DIAPH2: variants seen among roughly 807,000 people sequenced by gnomAD.
DIAPH2 encodes the protein protein diaphanous homolog 2.
In DIAPH2, 35 loss-of-function variants were observed where a neutral mutation model predicts 92.7. The observed-to-expected ratio is 0.38, with a 90% CI of 0.29 to 0.50. The LOEUF (loss-of-function observed/expected upper bound fraction) is 0.50. Among genes scored for constraint, DIAPH2 ranks in the 20% least tolerant of loss-of-function variants. The probability of loss-of-function intolerance (pLI) is 0.94; values close to 1 mark genes in which losing one functional copy is unlikely to be tolerated. For missense variants in DIAPH2, 701 were observed against 819.5 expected (o/e 0.86, Z 1.77); for synonymous variants, 301 against 280.4 (o/e 1.07, Z -0.73).
At chrX:96,730,677 C>A (rs1010084604) in intron 1 of DIAPH2, among the ~76,000 whole-genome samples, 1 of 111,662 alleles carries the variant, frequency 9.0e-6, no homozygotes, top group African/African-American at 3.3e-5. Flanking sequence ...TGTGATTGTT[C>A]TTTCATTCTT....
intron 9 of DIAPH2, among the ~76,000 whole-genome samples, chrX:96,921,843 A>C (rs1416085262): frequency 9.0e-6 from 1 of 110,500 alleles, no homozygotes; most frequent in Admixed American, 9.7e-5. Context: ...CTACATGTAC[A>C]TGTATATACA....
chrX:97,484,890 A>AAAAAG (rs1370444459), intron 26 of DIAPH2, among the ~76,000 whole-genome samples: 2 of 112,354 alleles, frequency 1.8e-5, no homozygotes, highest in South Asian at 3.7e-4. Flanking sequence ...GCGAGAAAAA[A>AAAAAG]AAAAGAAAAG....
At position 96,828,052 on chromosome X, in the gene DIAPH2, G is replaced by A. The variant is rs541485920; in HGVS notation, c.448-53527G>A. Among the ~76,000 whole-genome samples the A allele has an allele frequency of 9.8e-5, 11 of 111,979 alleles. No individual in the cohort carries two copies. The South Asian group carries it at 3.0e-3, about 30-fold the overall frequency. On this transcript the variant is annotated intron_variant, in intron 4 of 26. Transcript: ENST00000324765. ...CCTAAAGTGCCGGGATTACAGGCGT[G>A]AGCCACCGCGCCCAGCCTCAAGTAA...
At chrX:97,179,910 C>G (rs776190851) in intron 22 of DIAPH2, among the ~76,000 whole-genome samples, 1 of 111,650 alleles carries the variant, frequency 9.0e-6, no homozygotes, top group African/African-American at 3.3e-5. Context: ...CTGATAAAAC[C>G]AACAGATCTT....
chrX:96,796,889 A>C (rs1311657978), intron 4 of DIAPH2, among the ~76,000 whole-genome samples: 1 of 110,637 alleles, frequency 9.0e-6, no homozygotes, highest in Non-Finnish European at 1.9e-5. Context: ...CATTTCTGGC[A>C]CTCTTCATTC....
intron 25 of DIAPH2, among the ~76,000 whole-genome samples, chrX:97,426,602 C>A (rs1364151963): frequency 9.0e-6 from 1 of 110,783 alleles, no homozygotes; most frequent in Non-Finnish European, 1.9e-5. Context: ...AATTTCCCTG[C>A]CTTTTGTCTC....
At chrX:97,410,608 C>T (rs770604041) in intron 25 of DIAPH2, among the ~76,000 whole-genome samples, 1 of 111,988 alleles carries the variant, frequency 8.9e-6, no homozygotes, top group Non-Finnish European at 1.9e-5. Flanking sequence ...TAATAACAAA[C>T]TTCTCCGAGC....
At chrX:96,786,678 G>T (rs968606526) in intron 4 of DIAPH2, among the ~76,000 whole-genome samples, 1 of 111,219 alleles carries the variant, frequency 9.0e-6, no homozygotes, top group Non-Finnish European at 1.9e-5. Context: ...CTCTCACTGG[G>T]CTTTACTTTC....
chrX:97,222,655 C>T (rs989528827), intron 22 of DIAPH2, among the ~76,000 whole-genome samples: 2 of 112,193 alleles, frequency 1.8e-5, no homozygotes, highest in Non-Finnish European at 3.8e-5. Context: ...CTCCTAAATT[C>T]GCTTTAACAT....
At chrX:96,865,324 C>T (rs1346766423) in intron 4 of DIAPH2, among the ~76,000 whole-genome samples, 3 of 111,597 alleles carry the variant, frequency 2.7e-5, no homozygotes, top group Non-Finnish European at 5.6e-5. Flanking sequence ...GATACTGGAA[C>T]AGTAGGCATA....
chrX:97,187,827 A>G (rs763838207), intron 22 of DIAPH2, among the ~76,000 whole-genome samples: 2 of 111,642 alleles, frequency 1.8e-5, no homozygotes, highest in Non-Finnish European at 3.8e-5. Context: ...TTTAAGGGTT[A>G]TTTTCCAAAC....
intron 17 of DIAPH2, among the ~76,000 whole-genome samples, chrX:97,059,928 G>A (rs934162329): frequency 8.1e-5 from 9 of 111,594 alleles, no homozygotes; most frequent in Middle Eastern, 9.4e-3. Context: ...TCTTCTTCAT[G>A]GATTGTCACA....
intron 23 of DIAPH2, among the ~76,000 whole-genome samples, chrX:97,274,868 C>T (rs1806360321): frequency 9.0e-6 from 1 of 110,844 alleles, no homozygotes; most frequent in Non-Finnish European, 1.9e-5. Context: ...TGCCTTCAAG[C>T]ATCTGTTTAA....
chrX:97,380,840 G>C (rs774345648), intron 24 of DIAPH2, among the ~76,000 whole-genome samples: 1 of 111,790 alleles, frequency 8.9e-6, no homozygotes, highest in Non-Finnish European at 1.9e-5. Context: ...ATATGCCTTT[G>C]TAGATGTTTT....
intron 22 of DIAPH2, among the ~76,000 whole-genome samples, chrX:97,238,836 C>CT (rs2068069591): frequency 9.0e-6 from 1 of 111,570 alleles, no homozygotes; most frequent in Admixed American, 9.6e-5. Context: ...TGTTCCTTTT[C>CT]TTTTTTACAT....
intron 26 of DIAPH2, among the ~76,000 whole-genome samples, chrX:97,507,779 A>G: frequency 8.9e-6 from 1 of 111,733 alleles, no homozygotes; most frequent in Non-Finnish European, 1.9e-5. Context: ...CTTTTCATAA[A>G]GTCAGGCTAT....
intron 26 of DIAPH2, among the ~76,000 whole-genome samples, chrX:97,541,632 C>T (rs1336282111): frequency 1.8e-5 from 2 of 112,081 alleles, no homozygotes; most frequent in Non-Finnish European, 3.8e-5. Flanking sequence ...ATTTCTATGC[C>T]ATGATATACT....
chrX:97,072,381 A>C (rs762507968), intron 17 of DIAPH2, among the ~76,000 whole-genome samples: 2 of 112,759 alleles, frequency 1.8e-5, no homozygotes, highest in East Asian at 2.8e-4. Context: ...TCAAAAGAAC[A>C]CATTGCTGAG....
At chrX:96,717,815 A>AGT (rs2063959744) in intron 1 of DIAPH2, among the ~76,000 whole-genome samples, 1 of 33,552 alleles carries the variant, frequency 3.0e-5, no homozygotes, top group Non-Finnish European at 5.3e-5. Context: ...GTGGGTATAT[A>AGT]GTATATATAT....
Sources: allele counts gnomAD v4.1 joint callset (sites outside exome capture counted in the v4.1 genomes callset), GRCh38; gene constraint gnomAD v4.1.1; transcripts MANE v1.5; gene names NCBI Gene and HGNC (gene_info 2026-07-23, HGNC 2026-07-21).